GARIN5A: variants seen among roughly 807,000 people sequenced by gnomAD.
GARIN5A encodes Golgi-associated RAB2 interactor protein 5A.
chr19:50,469,319 T>C, the GARIN5A span, among the ~76,000 whole-genome samples: 1 of 152,184 alleles, frequency 6.6e-6, no homozygotes, highest in Non-Finnish European at 1.5e-5. Context: ...GGAGGCATGT[T>C]CTCAGGGATG....
chr19:50,473,140 G>GTT, the GARIN5A span, among the ~76,000 whole-genome samples: 2 of 152,214 alleles, frequency 1.3e-5, no homozygotes, highest in Non-Finnish European at 2.9e-5. Context: ...AATAAAGGCT[G>GTT]TAAGTCATCT....
chr19:50,470,799 C>T, the GARIN5A span, among the ~76,000 whole-genome samples: 4 of 151,476 alleles, frequency 2.6e-5, no homozygotes, highest in East Asian at 2.0e-4. Context: ...GGATTACAGG[C>T]GCCCGCCACC....
At chr19:50,467,664 G>A in the GARIN5A span, 3 of 1,580,746 alleles carry the variant, frequency 1.9e-6, no homozygotes, top group Non-Finnish European at 2.6e-6. Context: ...CAGAGAGGAA[G>A]CGCAGGCGGT....
chr19:50,472,055 CGTGTGTGTATATGTGTATATATACAT>C, the GARIN5A span, among the ~76,000 whole-genome samples: 28 of 119,174 alleles, frequency 2.3e-4, 1 homozygote, highest in African/African-American at 8.9e-4. Context: ...TGTATATATA[CGTGTGTGTATATGTGTATATATACAT>C]GTGTGTATAT....
chr19:50,476,250 G>A, the GARIN5A span: 2 of 1,613,078 alleles, frequency 1.2e-6, no homozygotes, highest in Non-Finnish European at 1.7e-6. Flanking sequence ...GGGAGAAAGC[G>A]AGGGGGCGGG....
the GARIN5A span, chr19:50,476,066 G>A: frequency 1.9e-6 from 3 of 1,607,650 alleles, no homozygotes; most frequent in African/African-American, 1.3e-5. Flanking sequence ...CCGAATTGCC[G>A]GCCCCATCCT....
the GARIN5A span, chr19:50,476,095 G>C: frequency 1.2e-3 from 1,918 of 1,611,290 alleles, 41 homozygotes; most frequent in South Asian, 0.019. Context: ...CCTTCACCAG[G>C]TCCAACCCCT....
At chr19:50,469,056 T>G in the GARIN5A span, among the ~76,000 whole-genome samples, 1 of 152,192 alleles carries the variant, frequency 6.6e-6, no homozygotes, top group Non-Finnish European at 1.5e-5. Flanking sequence ...TTTGGGTCCC[T>G]CTGCTCAGAG....
At chr19:50,475,505 TGAG>T in the GARIN5A span, 1 of 1,530,554 alleles carries the variant, frequency 6.5e-7, no homozygotes, top group Non-Finnish European at 8.9e-7. Context: ...GGGGCAGAAC[TGAG>T]GAGGGATCAG....
At chr19:50,474,156 C>CTCTTT in the GARIN5A span, among the ~76,000 whole-genome samples, 2 of 147,824 alleles carry the variant, frequency 1.4e-5, no homozygotes, top group South Asian at 2.2e-4. Flanking sequence ...TTTTTCTTTT[C>CTCTTT]TCTTTTCTTT....
the GARIN5A span, among the ~76,000 whole-genome samples, chr19:50,468,758 T>C: frequency 6.6e-6 from 1 of 152,164 alleles, no homozygotes; most frequent in Non-Finnish European, 1.5e-5. Flanking sequence ...CGCACCACCA[T>C]GCCTGGCTAA....
the GARIN5A span, among the ~76,000 whole-genome samples, chr19:50,474,944 C>CGAG: frequency 5.4e-3 from 824 of 152,298 alleles, 12 homozygotes; most frequent in African/African-American, 0.019. Flanking sequence ...AACTGGCTCC[C>CGAG]GGCTCTCTGA....
At chr19:50,467,915 C>G in the GARIN5A span, 12,435 of 1,160,430 alleles carry the variant, frequency 0.011, 422 homozygotes, top group East Asian at 0.11. Context: ...ACCTTGCCAC[C>G]CCTCCCTCTG....
At chr19:50,472,252 CAT>C in the GARIN5A span, among the ~76,000 whole-genome samples, 1 of 95,760 alleles carries the variant, frequency 1.0e-5, no homozygotes, top group African/African-American at 6.0e-5. Context: ...ATTATATATA[CAT>C]GTATGTGTGT....
At chr19:50,476,225 G>A in the GARIN5A span, 78 of 1,613,530 alleles carry the variant, frequency 4.8e-5, 2 homozygotes, top group South Asian at 6.9e-4. Context: ...CGACGGGAGC[G>A]GACGGAGGAG....
the GARIN5A span, among the ~76,000 whole-genome samples, chr19:50,470,200 C>T: frequency 1.1e-4 from 17 of 152,274 alleles, no homozygotes; most frequent in Non-Finnish European, 2.1e-4. Flanking sequence ...CAGCAGAGCA[C>T]GTGCAATGGT....
At chr19:50,467,589 A>G in the GARIN5A span, 2 of 1,546,484 alleles carry the variant, frequency 1.3e-6, no homozygotes, top group Non-Finnish European at 8.7e-7. Context: ...CCACCTCATC[A>G]TCATCACCCT....
At chr19:50,475,360 GC>G in the GARIN5A span, 58 of 1,605,998 alleles carry the variant, frequency 3.6e-5, no homozygotes, top group Non-Finnish European at 4.8e-5. Flanking sequence ...CCTTGGCAGG[GC>G]CGGCCAGAAG....
the GARIN5A span, among the ~76,000 whole-genome samples, chr19:50,468,691 C>A: frequency 1.3e-5 from 2 of 152,148 alleles, no homozygotes; most frequent in Non-Finnish European, 2.9e-5. Context: ...GCAGCCTCAA[C>A]ATCTTGGGCT....
Sources: allele counts gnomAD v4.1 joint callset (sites outside exome capture counted in the v4.1 genomes callset), GRCh38; gene constraint gnomAD v4.1.1; transcripts MANE v1.5; gene names NCBI Gene and HGNC (gene_info 2026-07-23, HGNC 2026-07-21).